GPHN: variants seen among roughly 807,000 people sequenced by gnomAD.
GPHN encodes the protein gephyrin.
GPHN carries 17 observed loss-of-function variants against 95.5 expected under a neutral mutation model. The ratio of observed to expected loss-of-function variants is 0.18; its 90% confidence interval spans 0.12 to 0.27. The LOEUF (loss-of-function observed/expected upper bound fraction) is 0.27, where lower values mean the gene tolerates loss of function less well. Among genes scored for constraint, GPHN ranks in the 10% least tolerant of loss-of-function variants. The pLI, the probability that GPHN is intolerant of heterozygous loss-of-function variation, is 1.00. For missense variants in GPHN, 660 were observed against 978.1 expected, an observed-to-expected ratio of 0.67 and a Z score of 4.34; for synonymous variants, 320 against 322.5, an observed-to-expected ratio of 0.99 and a Z score of 0.08.
At chr14:67,203,012 T>C in the GPHN span, 1 of 1,402,188 alleles carries the variant, frequency 7.1e-7, no homozygotes, top group Non-Finnish European at 9.7e-7. Context: ...TTTCCTACCC[T>C]CTCTTACACT....
intron 5 of GPHN, among the ~76,000 whole-genome samples, chr14:66,890,982 C>T (rs776514053): frequency 3.3e-4 from 50 of 152,012 alleles, no homozygotes; most frequent in Non-Finnish European, 5.7e-4. Flanking sequence ...TCATATTCAG[C>T]GGTGAAAGAC....
At chr14:66,603,597 T>TTC (rs1376628343) in intron 1 of GPHN, among the ~76,000 whole-genome samples, 1 of 151,982 alleles carries the variant, frequency 6.6e-6, no homozygotes, top group Non-Finnish European at 1.5e-5. Context: ...TTATACACAA[T>TTC]TCCTATTTTT....
the GPHN span, chr14:67,349,057 G>C: frequency 6.2e-7 from 1 of 1,613,896 alleles, no homozygotes; most frequent in Non-Finnish European, 8.5e-7. Context: ...ATCTTTCTTC[G>C]CTCGAATCTT....
chr14:66,853,207 A>G (rs1190475895), intron 4 of GPHN, among the ~76,000 whole-genome samples: 4 of 152,246 alleles, frequency 2.6e-5, no homozygotes, highest in African/African-American at 9.6e-5. Context: ...AGTAATCTTT[A>G]TACTAATTTA....
intron 10 of GPHN, among the ~76,000 whole-genome samples, chr14:67,056,426 G>A (rs1190641603): frequency 6.6e-6 from 1 of 152,200 alleles, no homozygotes; most frequent in Admixed American, 6.5e-5. Context: ...ACAGAGTGCT[G>A]ATTGGTGTGT....
chr14:66,905,406 T>A (rs2065331723), intron 5 of GPHN, among the ~76,000 whole-genome samples: 1 of 152,184 alleles, frequency 6.6e-6, no homozygotes, highest in Non-Finnish European at 1.5e-5. Flanking sequence ...CACATATTGC[T>A]GTTTCATTAG....
At chr14:67,562,348 T>C in the GPHN span, 1 of 1,613,950 alleles carries the variant, frequency 6.2e-7, no homozygotes, top group Non-Finnish European at 8.5e-7. Context: ...TGGAGGATTC[T>C]AGTTCCAGCA....
chr14:67,348,366 G>A, the GPHN span, among the ~76,000 whole-genome samples: 1 of 151,270 alleles, frequency 6.6e-6, no homozygotes, highest in South Asian at 2.1e-4. Context: ...CATCACACCC[G>A]GCCTAATTTT....
chr14:67,713,777 C>T, the GPHN span, among the ~76,000 whole-genome samples: 1 of 152,092 alleles, frequency 6.6e-6, no homozygotes, highest in African/African-American at 2.4e-5. Flanking sequence ...TTTATACATT[C>T]TAGGGATACG....
chr14:67,049,356 T>C (rs969585241), intron 10 of GPHN, among the ~76,000 whole-genome samples: 2 of 151,168 alleles, frequency 1.3e-5, no homozygotes, highest in Non-Finnish European at 1.5e-5. Flanking sequence ...GCCTCCGGAG[T>C]AGCTGGGACT....
intron 2 of GPHN, among the ~76,000 whole-genome samples, chr14:66,775,559 A>C (rs915644573): frequency 1.3e-5 from 2 of 152,216 alleles, no homozygotes; most frequent in African/African-American, 4.8e-5. Context: ...TGTTTTTCAT[A>C]CTAAGTATTC....
At chr14:66,970,671 A>G (rs1036766546) in intron 9 of GPHN, among the ~76,000 whole-genome samples, 49 of 152,190 alleles carry the variant, frequency 3.2e-4, no homozygotes, top group African/African-American at 1.1e-3. Context: ...ACCAAAATCA[A>G]TAAGACTATA....
intron 4 of GPHN, among the ~76,000 whole-genome samples, chr14:66,869,342 C>T (rs1169155659): frequency 6.6e-6 from 1 of 152,142 alleles, no homozygotes; most frequent in Non-Finnish European, 1.5e-5. Context: ...TTCTTCTGTT[C>T]AGATTTTCTA....
the GPHN span, among the ~76,000 whole-genome samples, chr14:67,728,995 G>A: frequency 1.3e-5 from 2 of 152,212 alleles, no homozygotes; most frequent in Admixed American, 6.5e-5. Flanking sequence ...ATAGAAGGCT[G>A]AGAAGGCTAT....
chr14:67,224,014 T>C, the GPHN span: 5 of 978,284 alleles, frequency 5.1e-6, no homozygotes, highest in Admixed American at 2.5e-4. Context: ...GTAAAACAAA[T>C]TCCTGGCATT....
chr14:67,705,220 C>A, the GPHN span, among the ~76,000 whole-genome samples: 1 of 152,186 alleles, frequency 6.6e-6, no homozygotes, highest in African/African-American at 2.4e-5. Context: ...CTGGAGTTGT[C>A]CTTTTTCATT....
chr14:67,589,231 A>C, the GPHN span: 2 of 463,868 alleles, frequency 4.3e-6, no homozygotes, highest in Non-Finnish European at 5.7e-6. Flanking sequence ...TATTTCCCCC[A>C]CCCTCTCTCC....
chr14:67,621,141 T>C, the GPHN span, among the ~76,000 whole-genome samples: 3 of 152,202 alleles, frequency 2.0e-5, no homozygotes, highest in Non-Finnish European at 4.4e-5. Flanking sequence ...AGGGAAAGTC[T>C]TCTTGCAATA....
the GPHN span, among the ~76,000 whole-genome samples, chr14:67,659,073 G>A: frequency 5.3e-5 from 8 of 152,176 alleles, no homozygotes; most frequent in East Asian, 1.2e-3. Context: ...TTCCTTTAAC[G>A]ATCTAGCTGC....
Sources: allele counts gnomAD v4.1 joint callset (sites outside exome capture counted in the v4.1 genomes callset), GRCh38; gene constraint gnomAD v4.1.1; transcripts MANE v1.5; gene names NCBI Gene and HGNC (gene_info 2026-07-23, HGNC 2026-07-21).